The following MPZL1 variants were observed in gnomAD, a reference collection of about 807,000 sequenced individuals.
MPZL1 encodes the protein myelin protein zero-like protein 1.
Under a neutral mutation model 29.3 loss-of-function variants are expected in MPZL1, and 16 were observed. The observed-to-expected ratio is 0.55, with a 90% CI of 0.37 to 0.83. MPZL1 has a LOEUF of 0.83. MPZL1 is among the 40% of genes least tolerant of loss of function. MPZL1 has a pLI of 0.00. For synonymous variants in MPZL1, 143 were observed against 132.0 expected (o/e 1.08, Z -0.57); for missense variants, 279 against 332.9 (o/e 0.84, Z 1.26).
chr1:167,754,860 A>G (rs1660834935), intron 1 of MPZL1, among the ~76,000 whole-genome samples: 1 of 152,198 alleles, frequency 6.6e-6, no homozygotes, highest in African/African-American at 2.4e-5. Flanking sequence ...AGGCATTAGT[A>G]TTCTTTTAAG....
intron 2 of MPZL1, among the ~76,000 whole-genome samples, chr1:167,771,584 C>T (rs570040491): frequency 4.6e-5 from 7 of 151,988 alleles, no homozygotes; most frequent in Non-Finnish European, 7.4e-5. Flanking sequence ...CAGGCAGAGG[C>T]GCTCCTCACT....
intron 4 of MPZL1, chr1:167,773,603 T>C (rs1476226703): frequency 2.4e-6 from 1 of 419,224 alleles, no homozygotes; most frequent in Non-Finnish European, 4.2e-6. Flanking sequence ...TTAGGTTTGG[T>C]GAGATGAGCT....
At chr1:167,725,364 C>T (rs954809373) in intron 1 of MPZL1, among the ~76,000 whole-genome samples, 4 of 152,210 alleles carry the variant, frequency 2.6e-5, no homozygotes, top group Non-Finnish European at 5.9e-5. Context: ...TTACTGCAAC[C>T]TCCATCTCCC....
At chr1:167,730,812 G>T (rs1243785880) in intron 1 of MPZL1, among the ~76,000 whole-genome samples, 2 of 152,114 alleles carry the variant, frequency 1.3e-5, no homozygotes, top group African/African-American at 4.8e-5. Context: ...TTGCCTTACA[G>T]AATGTCCAAA....
chr1:167,768,149 G>T (rs535148723), intron 2 of MPZL1, among the ~76,000 whole-genome samples: 1 of 152,222 alleles, frequency 6.6e-6, no homozygotes, highest in African/African-American at 2.4e-5. Flanking sequence ...TCTTAGAACA[G>T]CTCTTTCACC....
chr1:167,776,933 G>A (rs1042509484), intron 5 of MPZL1, among the ~76,000 whole-genome samples: 8 of 152,154 alleles, frequency 5.3e-5, no homozygotes, highest in East Asian at 1.9e-4. Flanking sequence ...GTGTTTTGTG[G>A]GAAAAGTACC....
At chr1:167,776,007 C>T in intron 4 of MPZL1, 57 bp from the exon 5 acceptor site, 3 of 1,196,488 alleles carry the variant, frequency 2.5e-6, no homozygotes, top group South Asian at 1.8e-5. Context: ...ATTTTTGTTT[C>T]TATTTATTTA....
In MPZL1 at chr1:167,774,931, C is replaced by T. The variant is rs16859646; in HGVS notation, c.606-1133C>T. 5 of 152,274 alleles carry T rather than the reference C, an allele frequency of 3.3e-5. No homozygotes were observed. The East Asian group carries it at 7.7e-4, about 23-fold the overall frequency. The allele number at this position is 152,274 out of a possible 1,614,324, so 9.4% of individuals were successfully genotyped here. A position where few individuals can be genotyped will look rare whatever the true frequency, so the allele number is the denominator to read the frequency against. On this transcript the variant is annotated intron_variant, in intron 4 of 5. Transcript: ENST00000359523. ...CCCTTGTTGATGACTAACCAGCTAG[C>T]TCTGAGCTAACCCAACAGCTATTAT...
At chr1:167,751,310 T>C (rs1660750487) in intron 1 of MPZL1, among the ~76,000 whole-genome samples, 1 of 152,210 alleles carries the variant, frequency 6.6e-6, no homozygotes, top group Admixed American at 6.5e-5. Context: ...TTTAAAAAAA[T>C]AACTTCAAGG....
chr1:167,781,416 A>G (rs1010645076), intron 5 of MPZL1, among the ~76,000 whole-genome samples: 6 of 152,148 alleles, frequency 3.9e-5, no homozygotes, highest in African/African-American at 9.6e-5. Context: ...TCTGGCCACA[A>G]TGGAATTAAA....
intron 1 of MPZL1, 119 bp from the exon 2 acceptor site, chr1:167,765,464 G>A: frequency 1.4e-6 from 1 of 689,960 alleles, no homozygotes; most frequent in Non-Finnish European, 2.3e-6. Context: ...AATATGTAAT[G>A]GCAGTGAATT....
At chr1:167,763,532 A>G (rs1658655073) in intron 1 of MPZL1, among the ~76,000 whole-genome samples, 1 of 151,838 alleles carries the variant, frequency 6.6e-6, no homozygotes, top group South Asian at 2.1e-4. Context: ...AGAAAAGAAA[A>G]TCCTTGAGAA....
chr1:167,722,225 C>G lies in MPZL1; in HGVS notation c.74C>G (p.Ala25Gly), dbSNP rs1186290504. Residue 25 changes from alanine to glycine, a missense_variant, in exon 1 of 6, where the codon GCG becomes GGG. Transcript: ENST00000359523. ...CGGCGCTGGCTGTGGTCGGTGCTGG[C>G]GGCGGCGCTTGGGCTCTGTAAGTGA... ...DSRRWLWSVL[A>G]AALGLLTAGV... 1 of 1,239,242 alleles carries G rather than the reference C, an allele frequency of 8.1e-7. No individual in the cohort carries two copies. Among genetic ancestry groups the G allele is most frequent in the African/African-American group, 1.6e-5 (1 of 64,404 alleles). The allele number at this position is 1,239,242 out of a possible 1,614,324, so 76.8% of individuals were successfully genotyped here. A position where few individuals can be genotyped will look rare whatever the true frequency, so the allele number is the denominator to read the frequency against.
In MPZL1 at chr1:167,772,626, C is replaced by G. The variant is rs144180041; in HGVS notation, c.472+138C>G. 8.3e-4 allele frequency: 593 copies of G among 717,828 alleles called. 7 individuals are homozygous for G. In the East Asian group the frequency reaches 0.014, roughly 17 times the overall value. 44.5% of individuals were successfully genotyped at this position (717,828 alleles called of 1,614,324 possible). A position where few individuals can be genotyped will look rare whatever the true frequency, so the allele number is the denominator to read the frequency against. On this transcript the variant is annotated intron_variant, in intron 3 of 5. Transcript: ENST00000359523. ...AGTTGTGCTCCCTGTTGCCACGAAC[C>G]TGTGGCTCTACCAAACACACTTGGA...
intron 1 of MPZL1, among the ~76,000 whole-genome samples, chr1:167,749,038 A>G (rs16859522): frequency 0.04 from 6,139 of 152,234 alleles, 182 homozygotes; most frequent in Middle Eastern, 0.11. Context: ...CAAAAATACA[A>G]TTTCATCCAT....
intron 5 of MPZL1, among the ~76,000 whole-genome samples, chr1:167,784,581 A>G (rs911467469): frequency 5.9e-5 from 9 of 152,348 alleles, no homozygotes; most frequent in South Asian, 4.1e-4. Context: ...GGCATGTTCC[A>G]TAGAGACTCA....
intron 2 of MPZL1, among the ~76,000 whole-genome samples, chr1:167,770,503 G>A (rs144592892): frequency 1.3e-5 from 2 of 152,238 alleles, no homozygotes; most frequent in South Asian, 2.1e-4. Context: ...TTCAAAAGCC[G>A]GCAAGAGTAT....
intron 1 of MPZL1, among the ~76,000 whole-genome samples, chr1:167,742,395 T>C (rs1352696883): frequency 6.6e-6 from 1 of 152,146 alleles, no homozygotes; most frequent in Non-Finnish European, 1.5e-5. Context: ...CGCCTAACTA[T>C]ATTATGGGCA....
intron 1 of MPZL1, among the ~76,000 whole-genome samples, chr1:167,734,654 C>T (rs1403414016): frequency 1.3e-5 from 2 of 152,136 alleles, no homozygotes; most frequent in Non-Finnish European, 2.9e-5. Flanking sequence ...TTAGGAGCCT[C>T]CTGAGACTTA....
Sources: allele counts gnomAD v4.1 joint callset (sites outside exome capture counted in the v4.1 genomes callset), GRCh38; gene constraint gnomAD v4.1.1; transcripts MANE v1.5; gene names NCBI Gene and HGNC (gene_info 2026-07-23, HGNC 2026-07-21).